Variants in DEPDC5 observed in about 807,000 individuals in gnomAD.
The protein encoded by DEPDC5 is GATOR1 complex protein DEPDC5.
A neutral mutation model predicts 217.3 loss-of-function variants in DEPDC5; 73 were observed. The ratio of observed to expected loss-of-function variants is 0.34; its 90% CI spans 0.28 to 0.41. The LOEUF is 0.41. Among genes scored for constraint, DEPDC5 ranks in the 10% least tolerant of loss-of-function variants. The probability of loss-of-function intolerance (pLI) is 1.00; values close to 1 mark genes in which losing one functional copy is unlikely to be tolerated. For synonymous variants in DEPDC5, 733 were observed against 756.7 expected (o/e 0.97, Z 0.51); for missense variants, 1,675 against 2,070.1 (o/e 0.81, Z 3.70).
chr22:31,760,758 A>G (rs933499245), intron 4 of DEPDC5, 56 bp downstream of exon 4: 1 of 1,405,994 alleles, frequency 7.1e-7, no homozygotes, highest in Non-Finnish European at 9.9e-7. Context: ...AGAAACTGTA[A>G]GAAATCTCTC....
intron 32 of DEPDC5, chr22:31,857,808 G>A: frequency 6.2e-6 from 2 of 321,014 alleles, no homozygotes; most frequent in South Asian, 1.1e-4. Context: ...CCAGCACTTT[G>A]GGAGGCCGAG....
intron 21 of DEPDC5, chr22:31,816,513 C>G (rs1034856840): frequency 5.3e-5 from 8 of 152,044 alleles, no homozygotes; most frequent in African/African-American, 1.9e-4. Flanking sequence ...TCACTGCAAC[C>G]TCTGCCTCCT....
At chr22:31,856,231 T>TCACA (rs2092294743) in intron 31 of DEPDC5, among the ~76,000 whole-genome samples, 1 of 142,380 alleles carries the variant, frequency 7.0e-6, no homozygotes, top group Non-Finnish European at 1.5e-5. Flanking sequence ...TCATTGCCTA[T>TCACA]GACACACACA....
At chr22:31,822,505 C>G (rs1982057093) in intron 23 of DEPDC5, among the ~76,000 whole-genome samples, 188 bp from the exon 24 acceptor site, 1 of 152,172 alleles carries the variant, frequency 6.6e-6, no homozygotes, top group African/African-American at 2.4e-5. Flanking sequence ...GGAGCCGGCA[C>G]TGACACACAA....
At chr22:31,834,016 CAG>C in intron 25 of DEPDC5, 36 bp downstream of exon 25, 1 of 1,602,170 alleles carries the variant, frequency 6.2e-7, no homozygotes, top group Non-Finnish European at 8.6e-7. Context: ...AAGGGGTAGA[CAG>C]GGAGTGTGGG....
intron 24 of DEPDC5, among the ~76,000 whole-genome samples, chr22:31,830,811 G>A (rs1288878612): frequency 1.3e-5 from 2 of 150,448 alleles, no homozygotes; most frequent in African/African-American, 2.4e-5. Flanking sequence ...GAGTTGTCTT[G>A]CAGACCAAGT....
intron 10 of DEPDC5, 51 bp from the exon 11 acceptor site, chr22:31,791,982 G>T: frequency 1.6e-5 from 14 of 875,876 alleles, no homozygotes; most frequent in Non-Finnish European, 2.2e-5. Flanking sequence ...CTGCTTCATA[G>T]TGAAGTAAAT....
intron 15 of DEPDC5, among the ~76,000 whole-genome samples, chr22:31,803,318 C>T (rs1192657031): frequency 1.3e-5 from 2 of 151,982 alleles, no homozygotes; most frequent in African/African-American, 4.8e-5. Context: ...TCACACTATT[C>T]TCCTGCCTCA....
intron 6 of DEPDC5, among the ~76,000 whole-genome samples, chr22:31,767,370 A>G (rs1371814716): frequency 1.3e-5 from 2 of 151,874 alleles, no homozygotes; most frequent in Admixed American, 6.6e-5. Flanking sequence ...ATCTCGGCTC[A>G]CCACAACCTC....
chr22:31,876,186 T>C lies in DEPDC5; in HGVS notation c.3726T>C (p.His1242=). The C allele has an allele frequency of 6.2e-7, 1 of 1,614,140 alleles. No homozygotes were observed. The highest frequency in any genetic ancestry group is 8.5e-7 in the Non-Finnish European group (1 of 1,180,006). ...QKMLEEQLIT[H]ASGEAWRTFI... is the part of the protein sequence containing the mutation. ...TGCTGGAAGAGCAGCTCATCACACATGCATCTGGCGAAGCCTGGCGGACCT... is the reference window on the plus strand; with the variant it reads ...TGCTGGAAGAGCAGCTCATCACACACGCATCTGGCGAAGCCTGGCGGACCT... The change falls in exon 37 of 43, where the codon CAT becomes CAC. Residue 1242 remains histidine, a synonymous_variant. Transcript: ENST00000651528.
In DEPDC5 at chr22:31,815,243, G is replaced by A. The variant is rs1304236518; in HGVS notation, c.1666+31G>A. The A allele has an allele frequency of 1.9e-6, 3 of 1,611,788 alleles. No individual in the cohort carries two copies. The East Asian group carries it at 6.7e-5, about 36-fold the overall frequency. On this transcript the variant is annotated intron_variant, in intron 21 of 42. Transcript: ENST00000651528. ...AGTGCTGAAGCACAGACAGAGCCAG[G>A]GACATCTTTCTTAATATAGTGGGTG...
Position 31,784,988 on chromosome 22 carries a change from CG to C in DEPDC5, c.624+115del, listed in dbSNP as rs2084836838. 3.5e-6 allele frequency: 3 copies of C among 845,656 alleles called. No individual in the cohort carries two copies. In the South Asian group the frequency reaches 5.7e-5, roughly 16 times the overall value. The allele number at this position is 845,656 out of a possible 1,614,324, so 52.4% of individuals were successfully genotyped here. A position where few individuals can be genotyped will look rare whatever the true frequency, so the allele number is the denominator to read the frequency against. On this transcript the variant is annotated intron_variant, in intron 10 of 42. Transcript: ENST00000651528. ...AAATTGAGCTATTTTAGGTAAAACCCGGACTCCAGATTTAAATTACCCTAAT... is the reference window on the plus strand; with the variant it reads ...AAATTGAGCTATTTTAGGTAAAACCCGACTCCAGATTTAAATTACCCTAAT...
At chr22:31,875,407 AAAACTTAG>A (rs1187281465) in intron 36 of DEPDC5, 1 of 153,486 alleles carries the variant, frequency 6.5e-6, no homozygotes, top group Non-Finnish European at 1.5e-5. Flanking sequence ...CCTTTATTTA[AAAACTTAG>A]AATCCCGAAA....
At position 31,885,142 on chromosome 22, in the gene DEPDC5, A is replaced by G. The variant is rs890891032; in HGVS notation, c.4033+5390A>G. On this transcript the variant is annotated intron_variant, in intron 38 of 42. Coordinates refer to ENST00000651528, the MANE Select transcript of DEPDC5 (RefSeq NM_001242896.3). ...GACCTCTTCAAATGGAAGTCAGGTC[A>G]TGTTCCCCTTCTGGGCAGGATCCTC... 1.3e-4 allele frequency among the ~76,000 whole-genome samples: 20 copies of G among 152,158 alleles called. 1 individual carries two copies. The highest frequency in any genetic ancestry group is 1.0e-3 in the Admixed American group (16 of 15,270).
At position 31,874,392 on chromosome 22, in the gene DEPDC5, T is replaced by C. The variant is rs200653339; in HGVS notation, c.3683T>C (p.Ile1228Thr). 562 of 1,612,318 alleles carry C rather than the reference T, an allele frequency of 3.5e-4. No homozygotes were observed. In the African/African-American group the frequency reaches 7.1e-3, roughly 20 times the overall value. Residue 1228 changes from isoleucine to threonine, a missense_variant, in exon 36 of 43, where the codon ATT (isoleucine) becomes ACT (threonine). Around this residue, in one of 11 missense-constraint regions of DEPDC5, gnomAD observed 194 missense variants for 199.3 expected, o/e 0.97. Coordinates refer to ENST00000651528, the MANE Select transcript of DEPDC5 (RefSeq NM_001242896.3). ...GGGATCCAGACACAGGCGATGGCCA[T>C]TGACATCATGCAGGTGAGACAGCAA... ...VEGIQTQAMA[I>T]DIMQKMLEEQ...
intron 27 of DEPDC5, among the ~76,000 whole-genome samples, chr22:31,842,046 G>A (rs2091427365): frequency 6.6e-6 from 1 of 152,184 alleles, no homozygotes. Flanking sequence ...AGCTAATACT[G>A]GACATGGCAC....
intron 34 of DEPDC5, among the ~76,000 whole-genome samples, chr22:31,872,943 C>T (rs973703519): frequency 6.6e-6 from 1 of 151,846 alleles, no homozygotes; most frequent in Non-Finnish European, 1.5e-5. Context: ...TTAGTAGAGA[C>T]GGGATTTCAC....
At position 31,846,909 on chromosome 22, in the gene DEPDC5, G is replaced by T. The variant is rs376313159; in HGVS notation, c.3097G>T (p.Val1033Leu). The T allele has an allele frequency of 8.1e-6, 13 of 1,614,140 alleles. No individual in the cohort carries two copies. Among genetic ancestry groups the T allele is most frequent in the Non-Finnish European group, 1.1e-5 (13 of 1,180,052 alleles). Residue 1033 changes from valine (V) to leucine (L), a missense_variant, in exon 31 of 43, where the codon GTG becomes TTG. Val to Leu is a conservative substitution (Grantham distance 32). Around this residue, in one of 11 missense-constraint regions of DEPDC5, gnomAD observed 293 missense variants for 386.1 expected, o/e 0.76. Transcript: ENST00000651528. ...TTCTCTGGAGTCAACTGCACCCCCAGTGGGGAAGAAGGGAACCTCAGCTCT... is the reference window on the plus strand; with the variant it reads ...TTCTCTGGAGTCAACTGCACCCCCATTGGGGAAGAAGGGAACCTCAGCTCT... ...THSLESTAPP[V>L]GKKGTSALSA...
chr22:31,771,591 G>A (rs377637187), intron 7 of DEPDC5, among the ~76,000 whole-genome samples: 4 of 151,912 alleles, frequency 2.6e-5, no homozygotes, highest in African/African-American at 7.3e-5. Context: ...GTGGTGGCCT[G>A]TGCCTGTAGT....
Sources: gnomAD v4.1 joint callset for allele counts (sites outside exome capture counted in the v4.1 genomes callset) on GRCh38, gnomAD v4.1.1 for gene constraint, gnomAD v4.1.1 regional missense constraint, MANE v1.5 for transcripts, NCBI Gene and HGNC (gene_info 2026-07-23, HGNC 2026-07-21) for gene names.